The following TPRG1 variants were observed in gnomAD, a reference collection of about 807,000 sequenced individuals.
The protein encoded by TPRG1 is tumor protein p63-regulated gene 1 protein.
TPRG1 carries 29 observed loss-of-function variants against 29.3 expected under a neutral mutation model. The ratio of observed to expected loss-of-function variants is 0.99; its 90% CI spans 0.74 to 1.35. The LOEUF is 1.35. TPRG1 is among the 40% of genes most tolerant of loss of function. The pLI is 0.00. For synonymous variants in TPRG1, 130 were observed against 116.8 expected, an observed-to-expected ratio of 1.11 and a Z score of -0.73; for missense variants, 327 against 335.0, an observed-to-expected ratio of 0.98 and a Z score of 0.19.
At chr3:189,250,369 G>T (rs1741972061) in intron 4 of TPRG1, among the ~76,000 whole-genome samples, 1 of 151,922 alleles carries the variant, frequency 6.6e-6, no homozygotes, top group South Asian at 2.1e-4. Context: ...TACTTTATTT[G>T]TTCATCTATT....
intron 4 of TPRG1, among the ~76,000 whole-genome samples, chr3:189,033,738 C>T (rs1007512776): frequency 2.0e-5 from 3 of 151,952 alleles, no homozygotes; most frequent in Non-Finnish European, 2.9e-5. Context: ...AGCCACCATG[C>T]CCTAATTTTT....
intron 4 of TPRG1, among the ~76,000 whole-genome samples, chr3:189,275,953 T>A (rs9784337): frequency 0.031 from 4,763 of 152,216 alleles, 250 homozygotes; most frequent in African/African-American, 0.11. Context: ...ATAAGTATTG[T>A]AGGGATATCT....
intron 3 of TPRG1, among the ~76,000 whole-genome samples, chr3:189,134,293 A>G (rs1723452814): frequency 6.6e-6 from 1 of 151,976 alleles, no homozygotes; most frequent in South Asian, 2.1e-4. Context: ...TCAGCAGTTT[A>G]AGTTGTATGT....
At chr3:189,155,454 G>A (rs1212899669) in intron 5 of TPRG1, among the ~76,000 whole-genome samples, 2 of 152,000 alleles carry the variant, frequency 1.3e-5, no homozygotes, top group East Asian at 3.9e-4. Flanking sequence ...ATCTTGGGAT[G>A]GGGAGATTAT....
intron 4 of TPRG1, among the ~76,000 whole-genome samples, chr3:189,086,156 AAAGCTGAAG>A (rs1717920791): frequency 6.6e-6 from 1 of 151,822 alleles, no homozygotes; most frequent in South Asian, 2.1e-4. Flanking sequence ...AAAGGGTCCA[AAAGCTGAAG>A]AACTAGGAGT....
At chr3:189,266,883 G>GT (rs113474973) in intron 4 of TPRG1, among the ~76,000 whole-genome samples, 13,081 of 148,524 alleles carry the variant, frequency 0.088, 1,394 homozygotes, top group African/African-American at 0.26. Flanking sequence ...TTTTCCTTGT[G>GT]TTTTTTTTTT....
chr3:189,030,917 C>A (rs1211804187), intron 4 of TPRG1, among the ~76,000 whole-genome samples: 5 of 152,166 alleles, frequency 3.3e-5, no homozygotes. Context: ...GCACCTTAAC[C>A]CAGACTATCT....
At chr3:189,262,029 T>G (rs1201656525) in intron 4 of TPRG1, among the ~76,000 whole-genome samples, 1 of 151,982 alleles carries the variant, frequency 6.6e-6, no homozygotes, top group Non-Finnish European at 1.5e-5. Context: ...ATGATTGACA[T>G]TTTGCCTCAA....
intron 4 of TPRG1, among the ~76,000 whole-genome samples, chr3:189,262,240 G>GTATAAGTATAAA (rs1553933882): frequency 2.4e-4 from 36 of 151,920 alleles, no homozygotes; most frequent in African/African-American, 8.2e-4. Context: ...ATAAGTATAA[G>GTATAAGTATAAA]TATAAGTATA....
intron 4 of TPRG1, among the ~76,000 whole-genome samples, chr3:189,058,421 G>A (rs113258352): frequency 0.013 from 2,018 of 152,174 alleles, 53 homozygotes; most frequent in African/African-American, 0.047. Context: ...AGTAATAGGC[G>A]GAAAGTGAAA....
chr3:189,204,218 G>A (rs948495272), intron 1 of TPRG1, among the ~76,000 whole-genome samples: 9 of 152,110 alleles, frequency 5.9e-5, no homozygotes, highest in African/African-American at 2.2e-4. Flanking sequence ...TTTGTTGCAG[G>A]GGATGATTGA....
chr3:189,238,880 G>A lies in TPRG1; in HGVS notation c.450G>A (p.Lys150=). 6.2e-7 allele frequency: 1 copy of A among 1,613,104 alleles called. No homozygotes were observed. The highest frequency in any genetic ancestry group is 8.5e-7 in the Non-Finnish European group (1 of 1,179,376). The change falls in exon 4 of 6, where the codon AAG becomes AAA. Residue 150 remains lysine (K), a synonymous_variant. Transcript: ENST00000345063. The part of the protein sequence containing the change: ...LSAVYRICLG[K]FTFPGMSLDK... ...CTGTCTATCGCATCTGCCTGGGCAA[G>A]TTCACCTTCCCTGGGATGTCCCTGG...
At chr3:189,261,929 C>T (rs1304241684) in intron 4 of TPRG1, among the ~76,000 whole-genome samples, 4 of 152,050 alleles carry the variant, frequency 2.6e-5, no homozygotes, top group Non-Finnish European at 4.4e-5. Context: ...GTGAAAGTTT[C>T]TAAATGGTTT....
chr3:189,216,599 A>C lies in TPRG1; in HGVS notation c.302+1216A>C, dbSNP rs140493078. 4.3e-3 allele frequency among the ~76,000 whole-genome samples: 651 copies of C among 152,324 alleles called. 2 individuals carry two copies. Among genetic ancestry groups the C allele is most frequent in the African/African-American group, 0.014 (575 of 41,568 alleles). On this transcript the variant is annotated intron_variant, in intron 3 of 5. Coordinates refer to ENST00000345063, the MANE Select transcript of TPRG1 (RefSeq NM_198485.4). Reference sequence around the variant, plus strand: ...AATGAGATAACGTTGGTAAATTAGCAAAATGCCTAGCACATGGACCTTCAA... The same window carrying C: ...AATGAGATAACGTTGGTAAATTAGCCAAATGCCTAGCACATGGACCTTCAA...
Position 189,321,833 on chromosome 3 carries a change from C to T in TPRG1, c.*1013C>T, listed in dbSNP as rs1034114109. 2 of 152,136 alleles carry T rather than the reference C, an allele frequency of 1.3e-5. No homozygotes were observed. Among genetic ancestry groups the T allele is most frequent in the African/African-American group, 4.8e-5 (2 of 41,432 alleles). 9.4% of individuals were successfully genotyped at this position (152,136 alleles called of 1,614,324 possible). A position where few individuals can be genotyped will look rare whatever the true frequency, so the allele number is the denominator to read the frequency against. ...GGTTGGAGTGAAGATGAGAATGCCA[C>T]AGGCATCTTTCTTTCTAGGCCTCAG... is the stretch of plus-strand genomic sequence containing the variant. On this transcript the variant is annotated 3_prime_UTR_variant, in exon 6 of 6. Transcript: ENST00000345063.
intron 5 of TPRG1, among the ~76,000 whole-genome samples, chr3:189,164,862 CG>C (rs1727958701): frequency 6.6e-6 from 1 of 152,120 alleles, no homozygotes; most frequent in Admixed American, 6.5e-5. Context: ...GGGTCCCAAA[CG>C]TGCTTTAAGA....
chr3:189,145,466 G>A (rs1725146892), intron 3 of TPRG1, among the ~76,000 whole-genome samples: 2 of 152,004 alleles, frequency 1.3e-5, no homozygotes, highest in Admixed American at 1.3e-4. Flanking sequence ...ATTGGAGAGA[G>A]AATGGCCTAA....
At chr3:189,074,176 T>C (rs1339946065) in intron 4 of TPRG1, among the ~76,000 whole-genome samples, 3 of 151,634 alleles carry the variant, frequency 2.0e-5, no homozygotes, top group African/African-American at 7.3e-5. Context: ...TGGAGTTTTT[T>C]TTAATTCTGA....
chr3:189,076,188 T>G (rs1717160683), intron 4 of TPRG1, among the ~76,000 whole-genome samples: 1 of 152,184 alleles, frequency 6.6e-6, no homozygotes, highest in South Asian at 2.1e-4. Flanking sequence ...TGTTTGTCCA[T>G]TAAGCATTTT....
Sources: allele counts gnomAD v4.1 joint callset (sites outside exome capture counted in the v4.1 genomes callset), GRCh38; gene constraint gnomAD v4.1.1; transcripts MANE v1.5; gene names NCBI Gene and HGNC (gene_info 2026-07-23, HGNC 2026-07-21).